RETREG1: variants seen among roughly 807,000 people sequenced by gnomAD.
The protein encoded by RETREG1 is family with sequence similarity 134 member B.
Under a neutral mutation model 54.8 loss-of-function variants are expected in RETREG1, and 44 were observed. That is an observed-to-expected ratio of 0.80 (90% CI 0.63 to 1.03). RETREG1 has a LOEUF of 1.03. RETREG1 is among the 50% of genes least tolerant of loss of function. The pLI is 0.00. For synonymous variants in RETREG1, 217 were observed against 238.5 expected (o/e 0.91, Z 0.83); for missense variants, 554 against 605.1 (o/e 0.92, Z 0.89).
At chr5:16,528,438 T>C (rs534064807) in intron 3 of RETREG1, among the ~76,000 whole-genome samples, 2 of 152,260 alleles carry the variant, frequency 1.3e-5, no homozygotes, top group African/African-American at 4.8e-5. Context: ...TCACCCCAGG[T>C]TCAAGGTCAC....
intron 1 of RETREG1, among the ~76,000 whole-genome samples, chr5:16,610,892 C>A (rs1202719736): frequency 5.3e-5 from 8 of 152,212 alleles, no homozygotes; most frequent in South Asian, 2.1e-4. Flanking sequence ...TTGACCCAGC[C>A]ATCCCATTAC....
chr5:16,579,459 C>T (rs1742425086), intron 1 of RETREG1, among the ~76,000 whole-genome samples: 1 of 152,174 alleles, frequency 6.6e-6, no homozygotes, highest in Admixed American at 6.5e-5. Flanking sequence ...AGGACTGGCA[C>T]CAATTTACAG....
Position 16,593,192 on chromosome 5 carries a change from CCTG to C in RETREG1, c.321-21093_321-21091del, listed in dbSNP as rs1742822826. ...AAACTCCACCCAGTCTCCTTAGCAG[CCTG>C]CTGTTAAATTAGGTCACCCCACTGC... On this transcript the variant is annotated intron_variant, in intron 1 of 8. Coordinates refer to ENST00000306320, the MANE Select transcript of RETREG1 (RefSeq NM_001034850.3). The surrounding 1 kb of genome is among the most constrained non-coding windows in gnomAD (Gnocchi z 4.9). Among the ~76,000 whole-genome samples the C allele has an allele frequency of 1.3e-5, 2 of 152,190 alleles. No individual in the cohort carries two copies. Among genetic ancestry groups the C allele is most frequent in the South Asian group, 4.1e-4 (2 of 4,826 alleles).
intron 3 of RETREG1, among the ~76,000 whole-genome samples, chr5:16,498,344 C>A (rs1190550794): frequency 1.3e-5 from 2 of 152,072 alleles, no homozygotes; most frequent in South Asian, 2.1e-4. Context: ...ATACTGCAGG[C>A]AATTTTAACA....
chr5:16,609,064 A>G (rs1402178244), intron 1 of RETREG1, among the ~76,000 whole-genome samples: 1 of 152,236 alleles, frequency 6.6e-6, no homozygotes, highest in Non-Finnish European at 1.5e-5. Flanking sequence ...CACTTAAATA[A>G]AAGTCAAATG....
In RETREG1 at chr5:16,474,955, T is replaced by G; in HGVS notation, c.1280A>C (p.Asp427Ala). The G allele has an allele frequency of 6.2e-7, 1 of 1,613,782 alleles. No homozygotes were observed. The highest frequency in any genetic ancestry group is 8.5e-7 in the Non-Finnish European group (1 of 1,179,904). Reference protein sequence around the residue: ...ITAAVTAAIKDQLEGVQQALS... With the variant: ...ITAAVTAAIKAQLEGVQQALS... ...TGCTTGCTGCACACCCTCTAACTGG[T>G]CTTTGATAGCTGCAGTCACTGCAGC... is the stretch of plus-strand genomic sequence containing the variant. The change falls in exon 9 of 9, where the codon GAC becomes GCC. Residue 427 changes from aspartate to alanine, a missense_variant. Physicochemically the swap from Asp to Ala is moderately radical, Grantham distance 126. This residue lies in a region of RETREG1 where 347 missense variants were observed against 412.3 expected (regional missense o/e 0.84). Coordinates refer to ENST00000306320, the MANE Select transcript of RETREG1 (RefSeq NM_001034850.3).
At chr5:16,535,079 T>C (rs956172554) in intron 3 of RETREG1, among the ~76,000 whole-genome samples, 1 of 152,238 alleles carries the variant, frequency 6.6e-6, no homozygotes, top group African/African-American at 2.4e-5. Flanking sequence ...AATGAGAAGC[T>C]GCTATGAGAA....
At chr5:16,545,794 G>A (rs918924222) in intron 3 of RETREG1, among the ~76,000 whole-genome samples, 27 of 152,180 alleles carry the variant, frequency 1.8e-4, no homozygotes, top group African/African-American at 6.3e-4. Context: ...ATGCTAGACC[G>A]AGGGCATTTC....
chr5:16,541,758 AAGGAAGG>A (rs1437772469), intron 3 of RETREG1, among the ~76,000 whole-genome samples: 1 of 132,248 alleles, frequency 7.6e-6, no homozygotes, highest in Non-Finnish European at 1.5e-5. Context: ...GGAAGGAAGG[AAGGAAGG>A]AAGGAAGGAA....
intron 1 of RETREG1, among the ~76,000 whole-genome samples, chr5:16,572,394 G>A (rs1256183803): frequency 6.6e-6 from 1 of 151,988 alleles, no homozygotes; most frequent in Admixed American, 6.6e-5. Flanking sequence ...TGTATTTTTA[G>A]TAGAGACAGG....
At chr5:16,527,896 G>C (rs1263009396) in intron 3 of RETREG1, among the ~76,000 whole-genome samples, 1 of 134,458 alleles carries the variant, frequency 7.4e-6, no homozygotes, top group Non-Finnish European at 1.5e-5. Context: ...TGCAAGCTCC[G>C]CCTCCTGGGT....
intron 1 of RETREG1, among the ~76,000 whole-genome samples, chr5:16,606,789 A>C (rs1430408953): frequency 6.6e-6 from 1 of 152,148 alleles, no homozygotes; most frequent in African/African-American, 2.4e-5. Context: ...ATGGTGTCCC[A>C]GCTGGTGCCT....
At chr5:16,578,748 TTC>T in intron 1 of RETREG1, among the ~76,000 whole-genome samples, 1 of 152,226 alleles carries the variant, frequency 6.6e-6, no homozygotes, top group East Asian at 1.9e-4. Context: ...AGGCAGGGAA[TTC>T]TGTTTTCATT....
intron 3 of RETREG1, among the ~76,000 whole-genome samples, chr5:16,532,615 C>T (rs1168628437): frequency 6.6e-6 from 1 of 152,174 alleles, no homozygotes; most frequent in Non-Finnish European, 1.5e-5. Context: ...TGTGAAGAAA[C>T]TTTCACAATT....
chr5:16,519,094 T>C (rs1261837160), intron 3 of RETREG1, among the ~76,000 whole-genome samples: 1 of 152,166 alleles, frequency 6.6e-6, no homozygotes, highest in Non-Finnish European at 1.5e-5. Flanking sequence ...TGAGCATCTA[T>C]ACACGTGTTG....
chr5:16,511,719 C>G (rs1473598868), intron 3 of RETREG1, among the ~76,000 whole-genome samples: 1 of 152,154 alleles, frequency 6.6e-6, no homozygotes, highest in Non-Finnish European at 1.5e-5. Flanking sequence ...GCTCATGGAT[C>G]TGCAGGCTGT....
At chr5:16,513,469 A>G (rs1740247344) in intron 3 of RETREG1, among the ~76,000 whole-genome samples, 1 of 152,210 alleles carries the variant, frequency 6.6e-6, no homozygotes, top group African/African-American at 2.4e-5. Context: ...AGGAGTCCCA[A>G]ACTCAAGAAC....
At chr5:16,522,524 G>C (rs1476056420) in intron 3 of RETREG1, among the ~76,000 whole-genome samples, 1 of 152,124 alleles carries the variant, frequency 6.6e-6, no homozygotes, top group African/African-American at 2.4e-5. Flanking sequence ...TAAAAATAGA[G>C]TAAAACAAAC....
Position 16,530,420 on chromosome 5 carries a change from T to C in RETREG1, c.458+35343A>G, listed in dbSNP as rs867988807. 3.9e-5 allele frequency among the ~76,000 whole-genome samples: 6 copies of C among 152,196 alleles called. No individual in the cohort carries two copies. In the South Asian group the frequency reaches 6.2e-4, roughly 16 times the overall value. The stretch of plus-strand genomic sequence containing the variant: ...TGTTTCCTGATCAGTAAAAGTGAGA[T>C]AATAATTATATATTATATAGTGGTT... On this transcript the variant is annotated intron_variant, in intron 3 of 8. Coordinates refer to ENST00000306320, the MANE Select transcript of RETREG1 (RefSeq NM_001034850.3).
Sources: allele counts gnomAD v4.1 joint callset (sites outside exome capture counted in the v4.1 genomes callset), GRCh38; gene constraint gnomAD v4.1.1; regional missense constraint gnomAD v4.1.1; non-coding constraint Gnocchi (gnomAD v3.1); transcripts MANE v1.5; gene names NCBI Gene and HGNC (gene_info 2026-07-23, HGNC 2026-07-21).